The following ABTB2 variants were observed in gnomAD, a reference collection of about 807,000 sequenced individuals.
ABTB2 encodes the protein ankyrin repeat and BTB domain containing 2, also known as ankyrin repeat and BTB/POZ domain-containing protein 2.
In ABTB2, 56 loss-of-function variants were observed where a neutral mutation model predicts 104.1. The observed-to-expected ratio is 0.54, with a 90% CI of 0.43 to 0.67. The LOEUF (loss-of-function observed/expected upper bound fraction) is 0.67, where lower values mean the gene tolerates loss of function less well. Among genes scored for constraint, ABTB2 ranks in the 30% least tolerant of loss-of-function variants. ABTB2 has a pLI of 0.00. For missense variants in ABTB2, 1,279 were observed against 1,407.7 expected (o/e 0.91, Z 1.46); for synonymous variants, 606 against 608.2 (o/e 1.00, Z 0.05).
chr11:34,264,526 T>C (rs1183443883), intron 1 of ABTB2, among the ~76,000 whole-genome samples: 2 of 152,248 alleles, frequency 1.3e-5, no homozygotes, highest in Non-Finnish European at 2.9e-5. Context: ...AAATCTGATT[T>C]TCTTTGACTT....
chr11:34,175,894 C>A (rs1852954115), intron 3 of ABTB2, among the ~76,000 whole-genome samples: 1 of 152,228 alleles, frequency 6.6e-6, no homozygotes, highest in Non-Finnish European at 1.5e-5. Context: ...ACAGCTCTCA[C>A]CCCTGCTTGT....
At chr11:34,285,699 G>A (rs893618453) in intron 1 of ABTB2, among the ~76,000 whole-genome samples, 3 of 152,172 alleles carry the variant, frequency 2.0e-5, no homozygotes, top group African/African-American at 7.2e-5. Context: ...TAAGAGCTGG[G>A]TAGCGCTCTC....
At chr11:34,351,996 A>C (rs1315108194) in intron 1 of ABTB2, among the ~76,000 whole-genome samples, 1 of 152,158 alleles carries the variant, frequency 6.6e-6, no homozygotes. Context: ...TCTTGGCTTT[A>C]ATAAAATGGT....
chr11:34,337,142 AGAG>A, intron 1 of ABTB2, among the ~76,000 whole-genome samples: 1 of 152,258 alleles, frequency 6.6e-6, no homozygotes, highest in East Asian at 1.9e-4. Flanking sequence ...GTGCTGGCTA[AGAG>A]GAGGCCTGTG....
chr11:34,161,204 G>A (rs1374485615), intron 10 of ABTB2, 123 bp from the exon 11 acceptor site: 24 of 906,360 alleles, frequency 2.6e-5, no homozygotes, highest in South Asian at 1.5e-4. Flanking sequence ...CACCCCGCCC[G>A]CCCCCTCCCG....
chr11:34,254,250 T>C (rs559403213), intron 1 of ABTB2, among the ~76,000 whole-genome samples: 2 of 151,936 alleles, frequency 1.3e-5, no homozygotes, highest in African/African-American at 4.8e-5. Flanking sequence ...AAAGGGAAGC[T>C]TTTTGATTTT....
intron 9 of ABTB2, among the ~76,000 whole-genome samples, chr11:34,163,397 A>C (rs529261228): frequency 6.6e-6 from 1 of 152,330 alleles, no homozygotes; most frequent in African/African-American, 2.4e-5. Flanking sequence ...GTTAGACCCC[A>C]CAGAGGACGC....
At chr11:34,159,185 A>G in intron 14 of ABTB2, 111 bp downstream of exon 14, 1 of 765,892 alleles carries the variant, frequency 1.3e-6, no homozygotes. Context: ...AGAATACAGA[A>G]GGCACTGGGA....
At chr11:34,197,770 G>A (rs1215040186) in intron 2 of ABTB2, among the ~76,000 whole-genome samples, 2 of 152,112 alleles carry the variant, frequency 1.3e-5, no homozygotes, top group African/African-American at 2.4e-5. Flanking sequence ...ACTTGGCAGG[G>A]CCTGTCTCCT....
chr11:34,194,399 T>C (rs1374468956), intron 3 of ABTB2, among the ~76,000 whole-genome samples: 1 of 152,134 alleles, frequency 6.6e-6, no homozygotes, highest in Non-Finnish European at 1.5e-5. Flanking sequence ...GGACGGGGCT[T>C]CAGGAGGATG....
chr11:34,284,374 G>T lies in ABTB2; in HGVS notation c.883+72327C>A, dbSNP rs529813367. ...ATGTTCTTATCAAAATGGGCCATTT[G>T]CCAGAGTGACCAGAAGGATTGGCCC... On this transcript the variant is annotated intron_variant, in intron 1 of 16. Coordinates refer to ENST00000435224, the MANE Select transcript of ABTB2 (RefSeq NM_145804.3). Among the ~76,000 whole-genome samples, 4 of 152,336 alleles carry T rather than the reference G, an allele frequency of 2.6e-5. No individual in the cohort carries two copies. The East Asian group carries it at 7.7e-4, about 29-fold the overall frequency.
At chr11:34,243,766 C>A (rs1853950430) in intron 1 of ABTB2, among the ~76,000 whole-genome samples, 1 of 152,190 alleles carries the variant, frequency 6.6e-6, no homozygotes. Flanking sequence ...AGGTCAGCCA[C>A]CCACCCAGAC....
In ABTB2 at chr11:34,252,122, G is replaced by T. The variant is rs10836169; in HGVS notation, c.884-47432C>A. 0.18 allele frequency among the ~76,000 whole-genome samples: 26,691 copies of T among 152,078 alleles called. 2,440 individuals carry two copies. Among genetic ancestry groups the T allele is most frequent in the Non-Finnish European group, 0.19 (13,143 of 67,944 alleles). On this transcript the variant is annotated intron_variant, in intron 1 of 16. Transcript: ENST00000435224. The surrounding 1 kb of genome is among the most constrained non-coding windows in gnomAD (Gnocchi z 5.5). ...AGCAAGGCCCGGATGGTGGTTCGGA[G>T]TTCATGCTCCAGGGGTTCATGAGGC... is the stretch of plus-strand genomic sequence containing the variant.
At chr11:34,172,432 G>A (rs61880409) in intron 4 of ABTB2, among the ~76,000 whole-genome samples, 1 of 73,962 alleles carries the variant, frequency 1.4e-5, no homozygotes, top group Non-Finnish European at 2.7e-5. Context: ...GTGTGTGTGT[G>A]TGTATATAGA....
intron 1 of ABTB2, among the ~76,000 whole-genome samples, chr11:34,324,805 A>AGCACAAAGAC (rs1252027461): frequency 1.6e-4 from 24 of 152,182 alleles, no homozygotes; most frequent in Admixed American, 1.6e-3. Context: ...CTGCCAAGAA[A>AGCACAAAGAC]GCACAAAGAC....
At chr11:34,228,444 G>A (rs1853714920) in intron 1 of ABTB2, among the ~76,000 whole-genome samples, 1 of 151,938 alleles carries the variant, frequency 6.6e-6, no homozygotes, top group Admixed American at 6.6e-5. Flanking sequence ...TGGCTCAGTA[G>A]CATGATCTTG....
At chr11:34,245,681 G>A (rs971530472) in intron 1 of ABTB2, among the ~76,000 whole-genome samples, 2 of 152,114 alleles carry the variant, frequency 1.3e-5, no homozygotes, top group Admixed American at 6.5e-5. Flanking sequence ...TCCAGACCAC[G>A]GCACAGCCTG....
chr11:34,258,923 G>A (rs1854155979), intron 1 of ABTB2, among the ~76,000 whole-genome samples: 1 of 152,242 alleles, frequency 6.6e-6, no homozygotes, highest in East Asian at 1.9e-4. Context: ...TCTTGTTAGG[G>A]AAGTGTAGTA....
At chr11:34,267,369 C>T (rs1370789059) in intron 1 of ABTB2, among the ~76,000 whole-genome samples, 1 of 152,158 alleles carries the variant, frequency 6.6e-6, no homozygotes, top group African/African-American at 2.4e-5. Context: ...CTGGCATTCT[C>T]TTTCCTGGAC....
Sources: allele counts gnomAD v4.1 joint callset (sites outside exome capture counted in the v4.1 genomes callset), GRCh38; gene constraint gnomAD v4.1.1; non-coding constraint Gnocchi (gnomAD v3.1); transcripts MANE v1.5; gene names NCBI Gene and HGNC (gene_info 2026-07-23, HGNC 2026-07-21).